CALCR: variants seen among roughly 807,000 people sequenced by gnomAD.
CALCR encodes calcitonin receptor.
In CALCR, 47 loss-of-function variants were observed where a neutral mutation model predicts 59.5. That is an observed-to-expected ratio of 0.79 (90% CI 0.63 to 1.01). CALCR has a LOEUF of 1.01. CALCR is among the 50% of genes least tolerant of loss of function. The probability of loss-of-function intolerance (pLI) is 0.00; values close to 1 mark genes in which losing one functional copy is unlikely to be tolerated. For synonymous variants in CALCR, 213 were observed against 211.3 expected, an observed-to-expected ratio of 1.01 and a Z score of -0.07; for missense variants, 566 against 597.1, an observed-to-expected ratio of 0.95 and a Z score of 0.54.
At chr7:93,509,540 T>G (rs921331437) in intron 2 of CALCR, among the ~76,000 whole-genome samples, 3 of 152,164 alleles carry the variant, frequency 2.0e-5, no homozygotes, top group African/African-American at 7.2e-5. Context: ...TCTAATACTC[T>G]AGAGGCCAAC....
intron 2 of CALCR, among the ~76,000 whole-genome samples, chr7:93,516,763 T>C (rs532679946): frequency 1.3e-5 from 2 of 151,880 alleles, no homozygotes; most frequent in Non-Finnish European, 2.9e-5. Context: ...ATGATCGATA[T>C]ATTTCTTTAA....
intron 2 of CALCR, among the ~76,000 whole-genome samples, chr7:93,544,471 T>G (rs1196330123): frequency 1.3e-5 from 2 of 152,204 alleles, no homozygotes; most frequent in Non-Finnish European, 2.9e-5. Context: ...CATATTAGTT[T>G]GTCATTTTTG....
At position 93,424,670 on chromosome 7, in the gene CALCR, A is replaced by G. The variant is rs1272208904; in HGVS notation, c.*1686T>C. The G allele has an allele frequency of 6.6e-6, 1 of 152,620 alleles. No individual in the cohort carries two copies. The highest frequency in any genetic ancestry group is 2.4e-5 in the African/African-American group (1 of 41,458). 9.5% of individuals were successfully genotyped at this position (152,620 alleles called of 1,614,324 possible). ...TTTCTTCAACCCCTACTATATTAGC[A>G]TAATAACATCTAAAATATTTTAGCA... On this transcript the variant is annotated 3_prime_UTR_variant, in exon 14 of 14. Transcript: ENST00000426151.
chr7:93,539,961 G>C (rs964554302), intron 2 of CALCR, among the ~76,000 whole-genome samples: 16 of 152,172 alleles, frequency 1.1e-4, no homozygotes, highest in Non-Finnish European at 4.4e-5. Context: ...CAGCAGCAGA[G>C]ATGAGAATAA....
intron 2 of CALCR, among the ~76,000 whole-genome samples, chr7:93,501,804 T>C (rs1015621720): frequency 1.3e-5 from 2 of 152,088 alleles, no homozygotes; most frequent in African/African-American, 4.8e-5. Context: ...GCAGGATCTG[T>C]CGCTTTCCCT....
intron 2 of CALCR, among the ~76,000 whole-genome samples, chr7:93,540,476 C>A (rs1789103584): frequency 6.6e-6 from 1 of 152,006 alleles, no homozygotes; most frequent in African/African-American, 2.4e-5. Context: ...CTATTTTGAT[C>A]TTTATGTAAC....
intron 2 of CALCR, among the ~76,000 whole-genome samples, chr7:93,558,439 A>T (rs749273212): frequency 1.3e-5 from 2 of 152,076 alleles, no homozygotes; most frequent in African/African-American, 2.4e-5. Context: ...TATTTCCTGG[A>T]ACTTTCACCT....
intron 13 of CALCR, 132 bp downstream of exon 13, chr7:93,434,121 A>G (rs182360136): frequency 1.1e-5 from 8 of 708,200 alleles, no homozygotes; most frequent in South Asian, 4.8e-5. Context: ...AAAAAACATC[A>G]TGTTGCTAAT....
chr7:93,436,635 TG>T (rs1799784734), intron 11 of CALCR, among the ~76,000 whole-genome samples: 2 of 152,270 alleles, frequency 1.3e-5, no homozygotes, highest in African/African-American at 4.8e-5. Flanking sequence ...TTAATGTAGC[TG>T]ATTTATCAAT....
chr7:93,426,607 G>A lies in CALCR; in HGVS notation c.1192-18C>T. 2 of 1,355,334 alleles carry A rather than the reference G, an allele frequency of 1.5e-6. No homozygotes were observed. The highest frequency in any genetic ancestry group is 1.2e-5 in the South Asian group (1 of 81,562). The allele number at this position is 1,355,334 out of a possible 1,614,324, so 84.0% of individuals were successfully genotyped here. A position where few individuals can be genotyped will look rare whatever the true frequency, so the allele number is the denominator to read the frequency against. ...GTTTGGACCTGGAAGAGAAAAAGGAGCCTTGTTTTTATATGATAGTCAGAA... is the reference window on the plus strand; with the variant it reads ...GTTTGGACCTGGAAGAGAAAAAGGAACCTTGTTTTTATATGATAGTCAGAA... On this transcript the variant is annotated intron_variant, in intron 13 of 13. Coordinates refer to ENST00000426151, the MANE Select transcript of CALCR (RefSeq NM_001742.4).
intron 2 of CALCR, among the ~76,000 whole-genome samples, chr7:93,532,627 A>T (rs892447458): frequency 3.9e-5 from 6 of 151,904 alleles, no homozygotes; most frequent in African/African-American, 1.2e-4. Context: ...ACTTTATATC[A>T]GACACTGGAA....
At chr7:93,452,074 G>T (rs538539062) in intron 8 of CALCR, among the ~76,000 whole-genome samples, 1 of 151,922 alleles carries the variant, frequency 6.6e-6, no homozygotes, top group Non-Finnish European at 1.5e-5. Context: ...TGGGTACTAT[G>T]CTCACTACCT....
rs1474018130 is a variant in CALCR, at chr7:93,487,016, A to T, written c.-26-9T>A. ...TTGAAGATCTCTTTGTCCTAGAAAA[A>T]TATAAAAGCAACAAAGACTAAAATT... On this transcript the variant is annotated splice_polypyrimidine_tract_variant and intron_variant, in intron 2 of 13. Coordinates refer to ENST00000426151, the MANE Select transcript of CALCR (RefSeq NM_001742.4). 2 of 1,449,254 alleles carry T rather than the reference A, an allele frequency of 1.4e-6. No homozygotes were observed. The highest frequency in any genetic ancestry group is 2.8e-5 in the African/African-American group (2 of 70,290). 89.8% of individuals were successfully genotyped at this position (1,449,254 alleles called of 1,614,324 possible). A position where few individuals can be genotyped will look rare whatever the true frequency, so the allele number is the denominator to read the frequency against.
At chr7:93,567,376 C>T (rs2116283574) in intron 2 of CALCR, among the ~76,000 whole-genome samples, 1 of 151,960 alleles carries the variant, frequency 6.6e-6, no homozygotes, top group Middle Eastern at 3.4e-3. Context: ...CCTGGATGTG[C>T]TGGGACAAAG....
At chr7:93,488,461 C>G (rs2115938870) in intron 2 of CALCR, among the ~76,000 whole-genome samples, 1 of 149,696 alleles carries the variant, frequency 6.7e-6, no homozygotes, top group Admixed American at 6.7e-5. Flanking sequence ...CACAGACTGG[C>G]AAATTGAATA....
intron 8 of CALCR, among the ~76,000 whole-genome samples, chr7:93,460,597 A>G (rs533720071): frequency 1.2e-4 from 16 of 133,748 alleles, no homozygotes; most frequent in East Asian, 6.3e-4. Context: ...ATATATGTAT[A>G]TATATATATA....
At chr7:93,448,458 G>A (rs1390368190) in intron 8 of CALCR, among the ~76,000 whole-genome samples, 1 of 151,986 alleles carries the variant, frequency 6.6e-6, no homozygotes, top group Admixed American at 6.6e-5. Flanking sequence ...CAGTGGCTAA[G>A]TTTGATGCAG....
intron 7 of CALCR, among the ~76,000 whole-genome samples, chr7:93,467,918 C>T (rs1210664419): frequency 7.3e-5 from 11 of 151,414 alleles, no homozygotes; most frequent in Admixed American, 5.3e-4. Context: ...CAGTTTCTAA[C>T]ATTTTTACTG....
In CALCR at chr7:93,425,556, T is replaced by C. The variant is rs141735026; in HGVS notation, c.*800A>G. ...TTGTCTTCCACTAAGAATTATATTT[T>C]TGGCAGTTTTGTAAAAATTTTTAGT... On this transcript the variant is annotated 3_prime_UTR_variant, in exon 14 of 14. Transcript: ENST00000426151. 1 of 152,708 alleles carries C rather than the reference T, an allele frequency of 6.5e-6. No individual in the cohort carries two copies. Among genetic ancestry groups the C allele is most frequent in the Non-Finnish European group, 1.5e-5 (1 of 68,026 alleles). The allele number at this position is 152,708 out of a possible 1,614,324, so 9.5% of individuals were successfully genotyped here.
Sources: gnomAD v4.1 joint callset for allele counts (sites outside exome capture counted in the v4.1 genomes callset) on GRCh38, gnomAD v4.1.1 for gene constraint, MANE v1.5 for transcripts, NCBI Gene and HGNC (gene_info 2026-07-23, HGNC 2026-07-21) for gene names.